PDXDC1: variants seen among roughly 807,000 people sequenced by gnomAD.
PDXDC1 encodes the protein pyridoxal dependent decarboxylase domain containing 1, also known as pyridoxal-dependent decarboxylase domain-containing protein 1.
Under a neutral mutation model 100.1 loss-of-function variants are expected in PDXDC1, and 42 were observed. The ratio of observed to expected loss-of-function variants is 0.42; its 90% CI spans 0.33 to 0.54. The LOEUF is 0.54. PDXDC1 is among the 20% of genes least tolerant of loss of function. PDXDC1 has a pLI of 0.10. For missense variants in PDXDC1, 636 were observed against 979.2 expected (o/e 0.65, Z 4.68); for synonymous variants, 260 against 371.7 (o/e 0.70, Z 3.46).
chr16:15,031,638 T>C, intron 16 of PDXDC1, 97 bp from the exon 17 acceptor site: 1 of 1,044,420 alleles, frequency 9.6e-7, no homozygotes, highest in Non-Finnish European at 1.4e-6. Context: ...CTGGAGTACC[T>C]CGAGCTTTTG....
chr16:15,145,154 A>C, the PDXDC1 span, among the ~76,000 whole-genome samples: 2 of 152,170 alleles, frequency 1.3e-5, no homozygotes, highest in Non-Finnish European at 2.9e-5. Flanking sequence ...GTGTCAATGG[A>C]GGAAGCCAAG....
intron 16 of PDXDC1, chr16:15,130,563 G>T (rs1360891856): frequency 1.4e-6 from 2 of 1,385,906 alleles, no homozygotes; most frequent in South Asian, 2.3e-5. Flanking sequence ...CGTCCCCACA[G>T]GGCCTGTAAC....
intron 16 of PDXDC1, chr16:15,130,084 G>C (rs202172522): frequency 0.044 from 65,268 of 1,471,462 alleles, 1,663 homozygotes; most frequent in African/African-American, 0.16. Context: ...GCTCCTGTGA[G>C]GACACAGCCG....
chr16:15,094,267 C>G (rs1212871038), intron 16 of PDXDC1: 1 of 1,497,932 alleles, frequency 6.7e-7, no homozygotes, highest in South Asian at 1.2e-5. Context: ...GCGCCTCAGG[C>G]CGGATGCCCA....
At chr16:15,094,317 T>C in intron 16 of PDXDC1, 8 of 1,262,938 alleles carry the variant, frequency 6.3e-6, no homozygotes, top group Admixed American at 2.2e-5. Context: ...AAGTTGCGCG[T>C]GCCAGCGCAA....
intron 5 of PDXDC1, among the ~76,000 whole-genome samples, chr16:15,005,220 G>A (rs1279025388): frequency 5.3e-5 from 8 of 152,070 alleles, no homozygotes; most frequent in South Asian, 2.1e-4. Flanking sequence ...TTAGCCGGGC[G>A]TGGTAGTGAG....
At position 15,135,933 on chromosome 16, in the gene PDXDC1, C is replaced by T. The variant is rs570719351; in HGVS notation, c.1400-2946C>T. ...GGCAGCACCAGCTGAGGCCGGCTCA[C>T]GTCCACGCCGGGCAGGGCCACACGC... is the stretch of plus-strand genomic sequence containing the variant. On this transcript the variant is annotated intron_variant, in intron 16 of 16. Coordinates refer to the PDXDC1 transcript ENST00000535621. 3.8e-3 allele frequency: 5,971 copies of T among 1,577,884 alleles called. 27 individuals are homozygous for T. Among genetic ancestry groups the T allele is most frequent in the Middle Eastern group, 0.015 (66 of 4,388 alleles).
chr16:15,063,812 T>TG (rs1470468104), intron 16 of PDXDC1, among the ~76,000 whole-genome samples: 6 of 152,292 alleles, frequency 3.9e-5, no homozygotes, highest in Admixed American at 3.3e-4. Context: ...CTCATGTCGA[T>TG]GGAGTATTGA....
intron 21 of PDXDC1, among the ~76,000 whole-genome samples, 186 bp downstream of exon 21, chr16:15,034,739 G>A (rs2043296117): frequency 6.6e-6 from 1 of 152,094 alleles, no homozygotes; most frequent in African/African-American, 2.4e-5. Flanking sequence ...GCACCCTGGC[G>A]GCTGAAACAG....
intron 1 of PDXDC1, among the ~76,000 whole-genome samples, chr16:14,983,762 T>C (rs1458627101): frequency 1.3e-5 from 2 of 152,282 alleles, no homozygotes; most frequent in Non-Finnish European, 2.9e-5. Flanking sequence ...ACTCCCCCTT[T>C]ATGAAAAATT....
chr16:15,092,410 T>C (rs1357904592), intron 16 of PDXDC1: 15 of 741,852 alleles, frequency 2.0e-5, no homozygotes, highest in Middle Eastern at 4.6e-4. Flanking sequence ...TCAACTGGTA[T>C]CTTAATTAAT....
chr16:15,049,586 G>A (rs183887947), intron 16 of PDXDC1, among the ~76,000 whole-genome samples: 5 of 152,130 alleles, frequency 3.3e-5, no homozygotes, highest in South Asian at 2.1e-4. Context: ...GCGCCACCAT[G>A]CCCAGCTTTT....
Position 15,038,223 on chromosome 16 carries a change from G to A in PDXDC1, c.*1948G>A. On this transcript the variant is annotated 3_prime_UTR_variant, in exon 23 of 23. Coordinates refer to ENST00000396410, the MANE Select transcript of PDXDC1 (RefSeq NM_015027.4). ...AAGTGGAAAGATTCTGAAAACACAAGATGGTGGGCATTAGAGAAGCCAACC... is the reference window on the plus strand; with the variant it reads ...AAGTGGAAAGATTCTGAAAACACAAAATGGTGGGCATTAGAGAAGCCAACC... 1 of 1,609,132 alleles carries A rather than the reference G, an allele frequency of 6.2e-7. No individual in the cohort carries two copies. Among genetic ancestry groups the A allele is most frequent in the South Asian group, 1.1e-5 (1 of 90,296 alleles).
intron 16 of PDXDC1, chr16:15,094,209 G>A (rs200006712): frequency 3.4e-5 from 54 of 1,596,944 alleles, no homozygotes; most frequent in South Asian, 1.8e-4. Context: ...CCCGGCAAAC[G>A]CGTGTGAAGC....
chr16:15,015,639 AC>A (rs2041731424), intron 8 of PDXDC1, among the ~76,000 whole-genome samples: 1 of 152,146 alleles, frequency 6.6e-6, no homozygotes, highest in African/African-American at 2.4e-5. Context: ...AATTGCTTGA[AC>A]CTGGGAGGTG....
At position 14,975,160 on chromosome 16, in the gene PDXDC1, A is replaced by G; in HGVS notation, c.-40A>G. 2.7e-6 allele frequency: 4 copies of G among 1,465,582 alleles called. No homozygotes were observed. Among genetic ancestry groups the G allele is most frequent in the Non-Finnish European group, 3.6e-6 (4 of 1,119,038 alleles). The allele number at this position is 1,465,582 out of a possible 1,614,324, so 90.8% of individuals were successfully genotyped here. ...GCTGCGGGGCGCGGGAGGAGGAAGT[A>G]GAGCCCGGGACCGCCAGGCCACCAC... On this transcript the variant is annotated 5_prime_UTR_variant, in exon 1 of 23. Coordinates refer to ENST00000396410, the MANE Select transcript of PDXDC1 (RefSeq NM_015027.4).
At chr16:15,035,419 G>A (rs1294633714) in intron 21 of PDXDC1, 30 bp from the exon 22 acceptor site, 1 of 1,393,642 alleles carries the variant, frequency 7.2e-7, no homozygotes, top group African/African-American at 1.5e-5. Flanking sequence ...TGTGCCTGTA[G>A]CTTCTACCCA....
At chr16:15,061,391 C>T (rs1272289422) in intron 16 of PDXDC1, 4 of 236,842 alleles carry the variant, frequency 1.7e-5, no homozygotes, top group Admixed American at 5.6e-5. Flanking sequence ...GTTAAAACAG[C>T]AACCCGTAAA....
In PDXDC1 at chr16:15,073,049, T is replaced by C. The variant is rs747335711; in HGVS notation, c.1399+42993T>C. ...CAAAGATGTTTATCAGGTCGCGATA[T>C]AGATCCTTTGTTTTGCCGTTATCAA... On this transcript the variant is annotated intron_variant, in intron 16 of 16. Transcript: ENST00000535621. 3.2e-5 allele frequency: 52 copies of C among 1,612,702 alleles called. 1 individual carries two copies. In the East Asian group the frequency reaches 3.3e-4, roughly 10 times the overall value.
Sources: gnomAD v4.1 joint callset for allele counts (sites outside exome capture counted in the v4.1 genomes callset) on GRCh38, gnomAD v4.1.1 for gene constraint, MANE v1.5 for transcripts, NCBI Gene and HGNC (gene_info 2026-07-23, HGNC 2026-07-21) for gene names.